Variants in LRFN4 observed in about 807,000 individuals in gnomAD.
LRFN4 encodes leucine rich repeat and fibronectin type III domain containing 4.
A neutral mutation model predicts 29.0 loss-of-function variants in LRFN4; 10 were observed. The ratio of observed to expected loss-of-function variants is 0.35; its 90% CI spans 0.21 to 0.59. The LOEUF is 0.59. Among genes scored for constraint, LRFN4 ranks in the 20% least tolerant of loss-of-function variants. LRFN4 has a pLI of 0.82. For synonymous variants in LRFN4, 493 were observed against 437.0 expected, an observed-to-expected ratio of 1.13 and a Z score of -1.60; for missense variants, 850 against 907.9, an observed-to-expected ratio of 0.94 and a Z score of 0.82.
chr11:66,858,887 G>C lies in LRFN4; in HGVS notation c.1143G>C (p.Gly381=), dbSNP rs1245409058. ...LPHGGNSSAE[G]GRPGPSDIAA... is the part of the protein sequence containing the mutation. ...ATGGTGGGAACAGCAGTGCCGAGGG[G>C]GGCCGCCCCGGGCCCTCGGACATCG... is the stretch of plus-strand genomic sequence containing the variant. The change falls in exon 1 of 2, where the codon GGG becomes GGC. Residue 381 remains glycine, a synonymous_variant. Transcript: ENST00000309602. The surrounding 1 kb of genome is among the most constrained non-coding windows in gnomAD (Gnocchi z 5.9). 22 of 1,552,686 alleles carry C rather than the reference G, an allele frequency of 1.4e-5. No individual in the cohort carries two copies. The highest frequency in any genetic ancestry group is 1.8e-5 in the Non-Finnish European group (21 of 1,149,034).
Position 66,859,672 on chromosome 11 carries a change from A to T in LRFN4, c.1385A>T (p.Lys462Met). Residue 462 changes from lysine to methionine, a missense_variant, in exon 2 of 2, where the codon AAG becomes ATG. This residue lies in a region of LRFN4 where 744 missense variants were observed against 753.8 expected (regional missense o/e 0.99). Transcript: ENST00000309602. The part of the protein sequence containing the change: ...VPASSHHFLL[K>M]HLVPGADYDL... ...GCCTCCAGCCACCACTTCCTGCTGA[A>T]GCACCTCGTCCCCGGCGCTGACTAT... The T allele has an allele frequency of 6.2e-7, 1 of 1,612,966 alleles. No homozygotes were observed. The highest frequency in any genetic ancestry group is 8.5e-7 in the Non-Finnish European group (1 of 1,179,896).
In LRFN4 at chr11:66,857,879, C is replaced by A. The variant is rs772398510; in HGVS notation, c.135C>A (p.Asn45Lys). 1 of 1,610,970 alleles carries A rather than the reference C, an allele frequency of 6.2e-7. No individual in the cohort carries two copies. The highest frequency in any genetic ancestry group is 8.5e-7 in the Non-Finnish European group (1 of 1,179,916). Reference protein sequence around the residue: ...AHRGLLFVPPNVDRRTVELRL... With the variant: ...AHRGLLFVPPKVDRRTVELRL... Reference sequence around the variant, plus strand: ...GAGGCCTGCTGTTTGTGCCGCCCAACGTGGACCGGCGCACAGTGGAGCTGC... The same window carrying A: ...GAGGCCTGCTGTTTGTGCCGCCCAAAGTGGACCGGCGCACAGTGGAGCTGC... Residue 45 changes from asparagine to lysine, a missense_variant, in exon 1 of 2, where the codon AAC becomes AAA. Around this residue, in one of 2 missense-constraint regions of LRFN4, gnomAD observed 106 missense variants for 154.2 expected, o/e 0.69. Coordinates refer to ENST00000309602, the MANE Select transcript of LRFN4 (RefSeq NM_024036.5). The surrounding 1 kb of genome is among the most constrained non-coding windows in gnomAD (Gnocchi z 7.1).
At position 66,857,413 on chromosome 11, in the gene LRFN4, G is replaced by A; in HGVS notation, c.-332G>A. The A allele has an allele frequency of 6.7e-6, 2 of 299,530 alleles. No homozygotes were observed. The highest frequency in any genetic ancestry group is 4.7e-5 in the Admixed American group (1 of 21,436). The allele number at this position is 299,530 out of a possible 1,614,324, so 18.6% of individuals were successfully genotyped here. A position where few individuals can be genotyped will look rare whatever the true frequency, so the allele number is the denominator to read the frequency against. ...AGGGTATGGCGGGGAGTGGGGAGGC[G>A]GCTGGCGATTCCTGGGGACGCCTGG... On this transcript the variant is annotated 5_prime_UTR_variant, in exon 1 of 2. Coordinates refer to ENST00000309602, the MANE Select transcript of LRFN4 (RefSeq NM_024036.5). The surrounding 1 kb of genome is among the most constrained non-coding windows in gnomAD (Gnocchi z 7.1).
rs780804776 is a variant in LRFN4 at position 66,859,624 on chromosome 11, C to T, written c.1350-13C>T. On this transcript the variant is annotated splice_polypyrimidine_tract_variant and intron_variant, in intron 1 of 1. Transcript: ENST00000309602. ...CCCAGCCCCGGGCTCTGACCACCTG[C>T]CCTTGCCTGCAGGATTGTCCCAGCC... 1 of 1,612,682 alleles carries T rather than the reference C, an allele frequency of 6.2e-7. No homozygotes were observed. The highest frequency in any genetic ancestry group is 8.5e-7 in the Non-Finnish European group (1 of 1,179,812).
chr11:66,859,598 C>T (rs1464067217), intron 1 of LRFN4, 39 bp from the exon 2 acceptor site: 1 of 1,610,576 alleles, frequency 6.2e-7, no homozygotes, highest in East Asian at 2.2e-5. Context: ...TGGGGCTAGA[C>T]CCCAGCCCCG....
In LRFN4 at chr11:66,857,861, G is replaced by A. The variant is rs1482285505; in HGVS notation, c.117G>A (p.Leu39=). 4 of 1,609,672 alleles carry A rather than the reference G, an allele frequency of 2.5e-6. No homozygotes were observed. In the Middle Eastern group the frequency reaches 4.9e-4, roughly 199 times the overall value. Residue 39 remains leucine, a synonymous_variant, in exon 1 of 2, where the codon CTG becomes CTA. Coordinates refer to ENST00000309602, the MANE Select transcript of LRFN4 (RefSeq NM_024036.5). This position sits in a 1 kb window ranked among gnomAD's most constrained non-coding sequence, Gnocchi z 7.1. ...GCACCCTCTGTGCCCACCGAGGCCTGCTGTTTGTGCCGCCCAACGTGGACC... is the reference window on the plus strand; with the variant it reads ...GCACCCTCTGTGCCCACCGAGGCCTACTGTTTGTGCCGCCCAACGTGGACC... The part of the protein sequence containing the change: ...SLSTLCAHRG[L]LFVPPNVDRR...
At position 66,859,750 on chromosome 11, in the gene LRFN4, C is replaced by T. The variant is rs747374423; in HGVS notation, c.1463C>T (p.Ala488Val). 6.2e-7 allele frequency: 1 copy of T among 1,608,944 alleles called. No homozygotes were observed. Among genetic ancestry groups the T allele is most frequent in the Non-Finnish European group, 8.5e-7 (1 of 1,178,172 alleles). ...SPAAGPSDLT[A>V]TRLLGCAHFS... ...GCCGCTGGGCCCTCTGACCTCACGG[C>T]CACCAGGCTGCTGGGCTGTGCCCAT... The change falls in exon 2 of 2, where the codon GCC (alanine) becomes GTC (valine). Residue 488 changes from alanine (A) to valine (V), a missense_variant. Physicochemically the swap from Ala to Val is moderately conservative, Grantham distance 64. Around this residue, in one of 2 missense-constraint regions of LRFN4, gnomAD observed 744 missense variants for 753.8 expected, o/e 0.99. Transcript: ENST00000309602.
rs1565230247 is a variant in LRFN4 at position 66,860,436 on chromosome 11, T to G, written c.*241T>G. 1.4e-6 allele frequency: 1 copy of G among 704,984 alleles called. No homozygotes were observed. Among genetic ancestry groups the G allele is most frequent in the Non-Finnish European group, 2.6e-6 (1 of 388,188 alleles). 43.7% of individuals were successfully genotyped at this position (704,984 alleles called of 1,614,324 possible). A position where few individuals can be genotyped will look rare whatever the true frequency, so the allele number is the denominator to read the frequency against. On this transcript the variant is annotated 3_prime_UTR_variant, in exon 2 of 2. Coordinates refer to ENST00000309602, the MANE Select transcript of LRFN4 (RefSeq NM_024036.5). Reference sequence around the variant, plus strand: ...AGGGGCTGCAGCCACCCACTGGGAGTCTTGTTTTTATTTATAATAAAATTG... The same window carrying G: ...AGGGGCTGCAGCCACCCACTGGGAGGCTTGTTTTTATTTATAATAAAATTG...
In LRFN4 at chr11:66,859,845, G is replaced by A. The variant is rs571437023; in HGVS notation, c.1558G>A (p.Val520Met). 27 of 1,567,602 alleles carry A rather than the reference G, an allele frequency of 1.7e-5. No homozygotes were observed. The highest frequency in any genetic ancestry group is 7.2e-5 in the South Asian group (6 of 83,292). The change falls in exon 2 of 2, where the codon GTG becomes ATG. Residue 520 changes from valine (V) to methionine (M), a missense_variant. Physicochemically the swap from Val to Met is conservative, Grantham distance 21 (BLOSUM62 1). Transcript: ENST00000309602. ...CCACGTGCTGGGCGGGACCCTGACC[G>A]TGGCCGTGGGGGGTGTGCTGGTGGC... ...QAHVLGGTLT[V>M]AVGGVLVAAL...
Position 66,859,969 on chromosome 11 carries a change from A to G in LRFN4, c.1682A>G (p.Asn561Ser), listed in dbSNP as rs1946143349. The change falls in exon 2 of 2, where the codon AAT (asparagine) becomes AGT (serine). Residue 561 changes from asparagine (N) to serine (S), a missense_variant. Around this residue, in one of 2 missense-constraint regions of LRFN4, gnomAD observed 744 missense variants for 753.8 expected, o/e 0.99. Transcript: ENST00000309602. ...CTCAGCCACGTCCAGTCCCAGACCA[A>G]TGGAGGCCCCAGCCCCACACCCAAG... ...LKLSHVQSQT[N>S]GGPSPTPKAH... The G allele has an allele frequency of 1.2e-6, 2 of 1,601,714 alleles. No homozygotes were observed. Among genetic ancestry groups the G allele is most frequent in the Non-Finnish European group, 1.7e-6 (2 of 1,174,366 alleles).
Position 66,858,969 on chromosome 11 carries a change from G to T in LRFN4, c.1225G>T (p.Val409Leu). The T allele has an allele frequency of 6.4e-7, 1 of 1,573,270 alleles. No individual in the cohort carries two copies. The highest frequency in any genetic ancestry group is 8.6e-7 in the Non-Finnish European group (1 of 1,156,290). The change falls in exon 1 of 2, where the codon GTG becomes TTG. Residue 409 changes from valine (V) to leucine (L), a missense_variant. Val to Leu is a conservative substitution (Grantham distance 32). Coordinates refer to ENST00000309602, the MANE Select transcript of LRFN4 (RefSeq NM_024036.5). The surrounding 1 kb of genome is among the most constrained non-coding windows in gnomAD (Gnocchi z 5.9). ...GGGGACGCTGGAGTCTGAGCCAGCC[G>T]TGCAGGTGACGGAGGTGACCGCCAC... ...GEGTLESEPA[V>L]QVTEVTATSG... is the part of the protein sequence containing the mutation.
rs1421591895 is a variant in LRFN4, at chr11:66,857,733, A to T, written c.-12A>T. ...TGCCTGGGCTGTGGCCCCTTCCTAC[A>T]GGGCGCTCACCATGGCCCCGCCGCT... On this transcript the variant is annotated 5_prime_UTR_variant, in exon 1 of 2. Coordinates refer to ENST00000309602, the MANE Select transcript of LRFN4 (RefSeq NM_024036.5). The surrounding 1 kb of genome is among the most constrained non-coding windows in gnomAD (Gnocchi z 7.1). The T allele has an allele frequency of 1.3e-6, 2 of 1,583,664 alleles. No individual in the cohort carries two copies. Among genetic ancestry groups the T allele is most frequent in the Non-Finnish European group, 1.7e-6 (2 of 1,171,024 alleles).
Position 66,858,188 on chromosome 11 carries a change from G to A in LRFN4, c.444G>A (p.Glu148=). The A allele has an allele frequency of 1.2e-6, 2 of 1,611,816 alleles. No homozygotes were observed. The highest frequency in any genetic ancestry group is 1.1e-5 in the South Asian group (1 of 91,054). Reference sequence around the variant, plus strand: ...TCGACGACTTCCTAGAGAGCCTGGAGGACCTGGACCTGTCCTACAACAACC... The same window carrying A: ...TCGACGACTTCCTAGAGAGCCTGGAAGACCTGGACCTGTCCTACAACAACC... The part of the protein sequence containing the change: ...GAFDDFLESL[E]DLDLSYNNLR... Residue 148 remains glutamate, a synonymous_variant, in exon 1 of 2, where the codon GAG becomes GAA. Transcript: ENST00000309602. The surrounding 1 kb of genome is among the most constrained non-coding windows in gnomAD (Gnocchi z 5.9).
rs770897306 is a variant in LRFN4, at chr11:66,859,989, C to T, written c.1702C>T (p.Pro568Ser). The T allele has an allele frequency of 1.3e-6, 2 of 1,599,060 alleles. No individual in the cohort carries two copies. The highest frequency in any genetic ancestry group is 1.7e-5 in the Admixed American group (1 of 58,900). The change falls in exon 2 of 2, where the codon CCC (proline) becomes TCC (serine). Residue 568 changes from proline (P) to serine (S), a missense_variant. Coordinates refer to ENST00000309602, the MANE Select transcript of LRFN4 (RefSeq NM_024036.5). ...GACCAATGGAGGCCCCAGCCCCACACCCAAGGCCCACCCGCCGCGGAGCCC... is the reference window on the plus strand; with the variant it reads ...GACCAATGGAGGCCCCAGCCCCACATCCAAGGCCCACCCGCCGCGGAGCCC... ...SQTNGGPSPTPKAHPPRSPPP... is the reference protein window; with the variant it reads ...SQTNGGPSPTSKAHPPRSPPP...
At chr11:66,859,603 GC>G in intron 1 of LRFN4, 33 bp from the exon 2 acceptor site, 1 of 1,611,634 alleles carries the variant, frequency 6.2e-7, no homozygotes, top group South Asian at 1.1e-5. Flanking sequence ...CTAGACCCCA[GC>G]CCCGGGCTCT....
Position 66,859,493 on chromosome 11 carries a change from C to T in LRFN4, c.1350-144C>T, listed in dbSNP as rs868191334. 1.1e-4 allele frequency: 166 copies of T among 1,472,812 alleles called. No homozygotes were observed. In the Middle Eastern group the frequency reaches 3.2e-3, roughly 28 times the overall value. 91.2% of individuals were successfully genotyped at this position (1,472,812 alleles called of 1,614,324 possible). On this transcript the variant is annotated intron_variant, in intron 1 of 1. Coordinates refer to ENST00000309602, the MANE Select transcript of LRFN4 (RefSeq NM_024036.5). ...ACACCCATCTCCTGGCCACACTCTC[C>T]AGCCTGTTCACCTTCCTGAGTGAAC...
chr11:66,858,085 G>A lies in LRFN4; in HGVS notation c.341G>A (p.Gly114Glu), dbSNP rs760431814. 3.7e-6 allele frequency: 6 copies of A among 1,609,178 alleles called. No individual in the cohort carries two copies. The African/African-American group carries it at 6.7e-5, about 18-fold the overall frequency. The change falls in exon 1 of 2, where the codon GGG (glycine) becomes GAG (glutamate). Residue 114 changes from glycine (G) to glutamate (E), a missense_variant. Physicochemically the swap from Gly to Glu is moderately conservative, Grantham distance 98. Around this residue, in one of 2 missense-constraint regions of LRFN4, gnomAD observed 744 missense variants for 753.8 expected, o/e 0.99. Coordinates refer to ENST00000309602, the MANE Select transcript of LRFN4 (RefSeq NM_024036.5). The surrounding 1 kb of genome is among the most constrained non-coding windows in gnomAD (Gnocchi z 5.9). ...AACAGGCTGGTGGAGCTGGGCACCG[G>A]GAGCCTCCGGGGCCCCGTCAATCTG... ...DGNRLVELGTGSLRGPVNLQH... is the reference protein window; with the variant it reads ...DGNRLVELGTESLRGPVNLQH...
rs748437667 is a variant in LRFN4 at position 66,857,750 on chromosome 11, C to T, written c.6C>T (p.Ala2=). The T allele has an allele frequency of 6.3e-7, 1 of 1,592,058 alleles. No individual in the cohort carries two copies. Among genetic ancestry groups the T allele is most frequent in the Admixed American group, 1.7e-5 (1 of 59,748 alleles). Residue 2 remains alanine, a synonymous_variant, in exon 1 of 2, where the codon GCC becomes GCT. Transcript: ENST00000309602. This position sits in a 1 kb window ranked among gnomAD's most constrained non-coding sequence, Gnocchi z 7.1. M[A]PPLLLLLLAS... is the part of the protein sequence containing the mutation. The stretch of plus-strand genomic sequence containing the variant: ...CTTCCTACAGGGCGCTCACCATGGC[C>T]CCGCCGCTCCTGCTGCTGCTGCTGG...
In LRFN4 at chr11:66,857,850, C is replaced by T; in HGVS notation, c.106C>T (p.His36Tyr). 6.2e-7 allele frequency: 1 copy of T among 1,608,276 alleles called. No homozygotes were observed. Among genetic ancestry groups the T allele is most frequent in the Non-Finnish European group, 8.5e-7 (1 of 1,179,878 alleles). Residue 36 changes from histidine (H) to tyrosine (Y), a missense_variant, in exon 1 of 2, where the codon CAC (histidine) becomes TAC (tyrosine). Around this residue, in one of 2 missense-constraint regions of LRFN4, gnomAD observed 106 missense variants for 154.2 expected, o/e 0.69. Coordinates refer to ENST00000309602, the MANE Select transcript of LRFN4 (RefSeq NM_024036.5). The surrounding 1 kb of genome is among the most constrained non-coding windows in gnomAD (Gnocchi z 7.1). Reference protein sequence around the residue: ...LSESLSTLCAHRGLLFVPPNV... With the variant: ...LSESLSTLCAYRGLLFVPPNV... Reference sequence around the variant, plus strand: ...CGAGTCGCTCAGCACCCTCTGTGCCCACCGAGGCCTGCTGTTTGTGCCGCC... The same window carrying T: ...CGAGTCGCTCAGCACCCTCTGTGCCTACCGAGGCCTGCTGTTTGTGCCGCC...
Sources: allele counts gnomAD v4.1 joint callset, GRCh38; gene constraint gnomAD v4.1.1; regional missense constraint gnomAD v4.1.1; non-coding constraint Gnocchi (gnomAD v3.1); transcripts MANE v1.5; gene names NCBI Gene and HGNC (gene_info 2026-07-23, HGNC 2026-07-21).